Variants in APLF observed in about 807,000 individuals in gnomAD.
The protein encoded by APLF is aprataxin and PNK-like factor.
In APLF, 61 loss-of-function variants were observed where a neutral mutation model predicts 55.6. The ratio of observed to expected loss-of-function variants is 1.10; its 90% CI spans 0.89 to 1.36. APLF has a LOEUF of 1.36. Among genes scored for constraint, APLF ranks in the 40% most tolerant of loss-of-function variants. The pLI is 0.00. For missense variants in APLF, 611 were observed against 602.5 expected (o/e 1.01, Z -0.15); for synonymous variants, 207 against 214.8 (o/e 0.96, Z 0.32).
intron 5 of APLF, among the ~76,000 whole-genome samples, chr2:68,515,328 T>G (rs1338342010): frequency 1.3e-5 from 2 of 151,624 alleles, no homozygotes; most frequent in Non-Finnish European, 2.9e-5. Flanking sequence ...AACATCTGTG[T>G]ATGTGTTGAT....
intron 1 of APLF, among the ~76,000 whole-genome samples, chr2:68,475,944 G>T (rs1488425677): frequency 6.6e-6 from 1 of 150,970 alleles, no homozygotes; most frequent in Non-Finnish European, 1.5e-5. Flanking sequence ...ATAATCTAAT[G>T]AAATTATGTC....
chr2:68,546,057 T>G (rs1214989498), intron 8 of APLF, among the ~76,000 whole-genome samples: 1 of 152,170 alleles, frequency 6.6e-6, no homozygotes, highest in African/African-American at 2.4e-5. Flanking sequence ...TGTTTCTATT[T>G]CTGTGATTGT....
chr2:68,519,039 T>TAATAATATAATATATAATTAATATATA (rs1669800206), intron 5 of APLF, among the ~76,000 whole-genome samples: 1 of 117,800 alleles, frequency 8.5e-6, no homozygotes, highest in Non-Finnish European at 1.6e-5. Context: ...ATGATTAATA[T>TAATAATATAATATATAATTAATATATA]ATAATAATAT....
chr2:68,573,672 CAAAAAA>C (rs67959075), intron 9 of APLF, among the ~76,000 whole-genome samples: 1 of 93,044 alleles, frequency 1.1e-5, no homozygotes, highest in African/African-American at 3.7e-5. Context: ...GACCTTGTCT[CAAAAAA>C]AAAAAAAAAA....
intron 1 of APLF, among the ~76,000 whole-genome samples, chr2:68,480,602 GT>G (rs946176231): frequency 2.0e-5 from 3 of 147,760 alleles, no homozygotes; most frequent in Admixed American, 6.7e-5. Flanking sequence ...ATGCCCGGCT[GT>G]TTTTTTTTTC....
At chr2:68,517,435 C>G (rs926748344) in intron 5 of APLF, among the ~76,000 whole-genome samples, 6 of 131,188 alleles carry the variant, frequency 4.6e-5, no homozygotes, top group Non-Finnish European at 9.3e-5. Context: ...ATTAATATAT[C>G]TATATATGTT....
Position 68,467,588 on chromosome 2 carries a change from A to G in APLF, c.-144A>G, listed in dbSNP as rs1254689979. 4 of 562,300 alleles carry G rather than the reference A, an allele frequency of 7.1e-6. No individual in the cohort carries two copies. The highest frequency in any genetic ancestry group is 1.9e-5 in the African/African-American group (1 of 51,478). The allele number at this position is 562,300 out of a possible 1,614,324, so 34.8% of individuals were successfully genotyped here. ...AGCTGCGCTGGGGCCGGGCTCTGAG[A>G]GGACCGGCGCAGCCGCGGGGAGCCT... On this transcript the variant is annotated 5_prime_UTR_variant, in exon 1 of 10. Transcript: ENST00000303795.
chr2:68,515,531 T>C, intron 5 of APLF: 1 of 941,500 alleles, frequency 1.1e-6, no homozygotes, highest in Non-Finnish European at 1.3e-6. Flanking sequence ...CTACTGCTTA[T>C]AATAATAGTT....
chr2:68,572,380 G>A (rs1671494097), intron 9 of APLF, among the ~76,000 whole-genome samples: 1 of 151,918 alleles, frequency 6.6e-6, no homozygotes, highest in African/African-American at 2.4e-5. Flanking sequence ...GGAATATTGA[G>A]GCAAAATATT....
At chr2:68,510,583 A>G (rs1677018945) in intron 3 of APLF, among the ~76,000 whole-genome samples, 1 of 151,884 alleles carries the variant, frequency 6.6e-6, no homozygotes, top group South Asian at 2.1e-4. Flanking sequence ...GGGATTATAA[A>G]ATGGTATAGC....
intron 6 of APLF, among the ~76,000 whole-genome samples, chr2:68,530,341 A>G (rs1670219753): frequency 6.6e-6 from 1 of 152,180 alleles, no homozygotes; most frequent in East Asian, 1.9e-4. Flanking sequence ...CAAGTTGACC[A>G]TGGCATGCTC....
intron 3 of APLF, 75 bp from the exon 4 acceptor site, chr2:68,513,005 A>G: frequency 7.3e-7 from 1 of 1,367,916 alleles, no homozygotes; most frequent in Non-Finnish European, 1.0e-6. Context: ...AAGGGACATA[A>G]CTTAGATGTA....
chr2:68,493,406 CT>C (rs1228813165), intron 2 of APLF, among the ~76,000 whole-genome samples: 1 of 152,014 alleles, frequency 6.6e-6, no homozygotes, highest in Non-Finnish European at 1.5e-5. Flanking sequence ...CTATAAAACT[CT>C]TAGAATATAA....
At chr2:68,539,915 A>G (rs1670499222) in intron 7 of APLF, among the ~76,000 whole-genome samples, 1 of 152,208 alleles carries the variant, frequency 6.6e-6, no homozygotes, top group African/African-American at 2.4e-5. Flanking sequence ...GGCAAAAAAA[A>G]GAAATAACAT....
intron 8 of APLF, among the ~76,000 whole-genome samples, chr2:68,555,013 C>G (rs1156312088): frequency 6.6e-6 from 1 of 152,024 alleles, no homozygotes; most frequent in Admixed American, 6.6e-5. Context: ...CTAATACTTA[C>G]AGCCAACTGA....
intron 1 of APLF, 122 bp from the exon 2 acceptor site, chr2:68,490,068 G>T (rs1024182208): frequency 5.5e-6 from 3 of 549,752 alleles, no homozygotes; most frequent in African/African-American, 1.9e-5. Context: ...TTGAATGAAT[G>T]ATATATTTCA....
chr2:68,555,083 G>A (rs926443146), intron 8 of APLF, among the ~76,000 whole-genome samples: 4 of 152,054 alleles, frequency 2.6e-5, no homozygotes, highest in Admixed American at 2.6e-4. Flanking sequence ...TCAACAAATG[G>A]TGCATGAATA....
intron 1 of APLF, among the ~76,000 whole-genome samples, chr2:68,487,374 G>A (rs1218929364): frequency 6.6e-6 from 1 of 152,044 alleles, no homozygotes; most frequent in African/African-American, 2.4e-5. Flanking sequence ...GAATGGTTCT[G>A]GAATCTGATT....
chr2:68,489,925 A>G (rs1385859844), intron 1 of APLF, among the ~76,000 whole-genome samples: 6 of 152,136 alleles, frequency 3.9e-5, no homozygotes, highest in Non-Finnish European at 7.4e-5. Context: ...ATGAATGGAA[A>G]CTATCATGCA....
Sources: gnomAD v4.1 joint callset for allele counts (sites outside exome capture counted in the v4.1 genomes callset) on GRCh38, gnomAD v4.1.1 for gene constraint, MANE v1.5 for transcripts, NCBI Gene and HGNC (gene_info 2026-07-23, HGNC 2026-07-21) for gene names.